The following GREB1 variants were observed in gnomAD, a reference collection of about 807,000 sequenced individuals.
GREB1 encodes the protein protein GREB1.
A neutral mutation model predicts 200.7 loss-of-function variants in GREB1; 106 were observed. The observed-to-expected ratio is 0.53, with a 90% CI of 0.45 to 0.62. The LOEUF (loss-of-function observed/expected upper bound fraction) is 0.62, where lower values mean the gene tolerates loss of function less well. Ranked by LOEUF, GREB1 falls within the 20% of genes least tolerant of loss-of-function variation. GREB1 has a pLI of 0.00. For missense variants in GREB1, 2,243 were observed against 2,556.8 expected, an observed-to-expected ratio of 0.88 and a Z score of 2.65; for synonymous variants, 1,132 against 1,092.4, an observed-to-expected ratio of 1.04 and a Z score of -0.72.
At chr2:11,552,966 C>T (rs1158051550) in intron 1 of GREB1, among the ~76,000 whole-genome samples, 7 of 143,832 alleles carry the variant, frequency 4.9e-5, no homozygotes, top group African/African-American at 8.3e-5. Context: ...GTCGAGATCG[C>T]GCCACTGCAC....
Position 11,562,493 on chromosome 2 carries a change from A to G in GREB1, c.188A>G (p.Glu63Gly). The G allele has an allele frequency of 6.2e-7, 1 of 1,610,452 alleles. No homozygotes were observed. The highest frequency in any genetic ancestry group is 1.1e-5 in the South Asian group (1 of 90,868). ...AGCCGAGTGGACAATGAGGAAGAGG[A>G]AGAAGAGGGAGAAGGAGGGCTGGAA... ...GGSRVDNEEE[E>G]EEGEGGLETN... Residue 63 changes from glutamate (E) to glycine (G), a missense_variant, in exon 3 of 33, where the codon GAA (glutamate) becomes GGA (glycine). Glu to Gly is a moderately conservative substitution (Grantham distance 98). This residue lies in a region of GREB1 where 1,178 missense variants were observed against 1,387.4 expected (regional missense o/e 0.85). Transcript: ENST00000381486.
At chr2:11,613,596 T>C (rs1177738930) in intron 19 of GREB1, among the ~76,000 whole-genome samples, 3 of 152,198 alleles carry the variant, frequency 2.0e-5, no homozygotes, top group Non-Finnish European at 2.9e-5. Context: ...TGCATACTCA[T>C]GGGCCAGGGG....
At chr2:11,483,203 G>A (rs917709454) in intron 1 of GREB1, among the ~76,000 whole-genome samples, 4 of 151,932 alleles carry the variant, frequency 2.6e-5, no homozygotes, top group Middle Eastern at 3.2e-3. Flanking sequence ...GGGTATAGGT[G>A]TGGGCGCGCG....
chr2:11,491,885 G>C (rs1672781008), intron 1 of GREB1, among the ~76,000 whole-genome samples: 1 of 152,110 alleles, frequency 6.6e-6, no homozygotes, highest in Admixed American at 6.5e-5. Flanking sequence ...TTGGTTCTCT[G>C]TGCTCAGTTC....
chr2:11,496,952 C>G (rs1022471739), intron 1 of GREB1, among the ~76,000 whole-genome samples: 6 of 152,002 alleles, frequency 3.9e-5, no homozygotes, highest in Non-Finnish European at 5.9e-5. Flanking sequence ...AACTGTCATG[C>G]CTGGCTAATT....
In GREB1 at chr2:11,634,228, C is replaced by T. The variant is rs913646110; in HGVS notation, c.5089C>T (p.Arg1697Trp). The T allele has an allele frequency of 2.5e-6, 4 of 1,614,194 alleles. No individual in the cohort carries two copies. Among genetic ancestry groups the T allele is most frequent in the Non-Finnish European group, 2.5e-6 (3 of 1,180,016 alleles). ...DIMHYALLGL[R>W]KWSSKTRASE... ...CATGCACTACGCCCTGCTGGGCCTG[C>T]GGAAGTGGTCCAGCAAGACCCGGGC... The change falls in exon 29 of 33, where the codon CGG (arginine) becomes TGG (tryptophan). Residue 1697 changes from arginine (R) to tryptophan (W), a missense_variant. This residue lies in a region of GREB1 where 478 missense variants were observed against 616.3 expected (regional missense o/e 0.78). Transcript: ENST00000381486.
rs761784138 is a variant in GREB1, at chr2:11,580,305, G to T, written c.773-399G>T. Among the ~76,000 whole-genome samples the T allele has an allele frequency of 3.3e-5, 5 of 152,210 alleles. No homozygotes were observed. The highest frequency in any genetic ancestry group is 7.3e-5 in the Non-Finnish European group (5 of 68,038). ...GGTAGAAGGAAGCAGAACAGTTTCA[G>T]GTGTGGTCCTGGAATTCAGGAAGTC... On this transcript the variant is annotated intron_variant, in intron 6 of 32. Transcript: ENST00000381486. The surrounding 1 kb of genome is among the most constrained non-coding windows in gnomAD (Gnocchi z 4.5).
At chr2:11,513,648 G>C (rs1480790487) in intron 1 of GREB1, among the ~76,000 whole-genome samples, 1 of 151,810 alleles carries the variant, frequency 6.6e-6, no homozygotes, top group Admixed American at 6.6e-5. Flanking sequence ...GCAATTTCCT[G>C]ATCATTCTAG....
At chr2:11,552,911 G>A (rs1676047117) in intron 1 of GREB1, among the ~76,000 whole-genome samples, 1 of 151,098 alleles carries the variant, frequency 6.6e-6, no homozygotes, top group East Asian at 2.0e-4. Flanking sequence ...ACGGGAGGCT[G>A]AGGCAGGAGA....
Position 11,610,627 on chromosome 2 carries a change from T to A in GREB1, c.2667-61T>A. The A allele has an allele frequency of 3.9e-6, 5 of 1,298,310 alleles. No homozygotes were observed. The South Asian group carries it at 6.8e-5, about 18-fold the overall frequency. The allele number at this position is 1,298,310 out of a possible 1,614,324, so 80.4% of individuals were successfully genotyped here. On this transcript the variant is annotated intron_variant, in intron 17 of 32. Coordinates refer to ENST00000381486, the MANE Select transcript of GREB1 (RefSeq NM_014668.4). ...AGAGTGACGGATGTCTTGGGTGACT[T>A]GGCAGCAGCAGGCCGGTGGGCGCGG... is the stretch of plus-strand genomic sequence containing the variant.
At chr2:11,503,565 C>T (rs1204856094) in intron 1 of GREB1, among the ~76,000 whole-genome samples, 1 of 152,174 alleles carries the variant, frequency 6.6e-6, no homozygotes, top group Non-Finnish European at 1.5e-5. Flanking sequence ...TGCACTTCCA[C>T]TTTGTGTAGG....
At position 11,631,901 on chromosome 2, in the gene GREB1, C is replaced by T; in HGVS notation, c.4612-8C>T. ...AACACTCTACCTCATGATACCTGTA[C>T]TTTGCAGAGCCATGAATATATAAAA... On this transcript the variant is annotated splice_region_variant and splice_polypyrimidine_tract_variant and intron_variant, in intron 26 of 32. Transcript: ENST00000381486. 1.9e-6 allele frequency: 3 copies of T among 1,607,698 alleles called. No homozygotes were observed. The highest frequency in any genetic ancestry group is 2.6e-6 in the Non-Finnish European group (3 of 1,174,552).
intron 20 of GREB1, among the ~76,000 whole-genome samples, chr2:11,616,420 G>A (rs796922051): frequency 2.4e-4 from 37 of 152,310 alleles, no homozygotes; most frequent in African/African-American, 6.7e-4. Flanking sequence ...AGGAGCCTTC[G>A]CTGCACCCAG....
intron 1 of GREB1, among the ~76,000 whole-genome samples, chr2:11,537,370 T>C (rs952059132): frequency 3.9e-5 from 6 of 152,160 alleles, no homozygotes; most frequent in Non-Finnish European, 8.8e-5. Context: ...TAATATTATA[T>C]ATGTGCCAGG....
intron 8 of GREB1, 91 bp downstream of exon 8, chr2:11,585,365 C>T (rs796642307): frequency 5.3e-5 from 41 of 767,880 alleles, no homozygotes; most frequent in Middle Eastern, 2.9e-4. Flanking sequence ...TGTGTGCGTG[C>T]GCACGAGTGT....
intron 17 of GREB1, among the ~76,000 whole-genome samples, chr2:11,604,678 C>T (rs191382589): frequency 2.3e-4 from 35 of 152,240 alleles, no homozygotes; most frequent in Middle Eastern, 3.4e-3. Flanking sequence ...GTGATTTGCC[C>T]GACTTCATGC....
intron 1 of GREB1, among the ~76,000 whole-genome samples, chr2:11,504,635 A>G (rs1228439862): frequency 6.6e-6 from 1 of 152,164 alleles, no homozygotes; most frequent in Non-Finnish European, 1.5e-5. Flanking sequence ...GGGTTCTTTC[A>G]CCTAGTGTAA....
chr2:11,520,752 CCTGAATCACAT>C (rs1673677049), intron 1 of GREB1, among the ~76,000 whole-genome samples: 2 of 152,318 alleles, frequency 1.3e-5, no homozygotes, highest in East Asian at 3.9e-4. Context: ...AGGTCTGGAA[CCTGAATCACAT>C]CTGAATCACA....
chr2:11,550,920 A>G (rs909184354), intron 1 of GREB1, among the ~76,000 whole-genome samples: 6 of 152,082 alleles, frequency 3.9e-5, no homozygotes, highest in African/African-American at 1.4e-4. Context: ...CCCGCCTTTA[A>G]TAGTTCCTTA....
Sources: gnomAD v4.1 joint callset for allele counts (sites outside exome capture counted in the v4.1 genomes callset) on GRCh38, gnomAD v4.1.1 for gene constraint, gnomAD v4.1.1 regional missense constraint, Gnocchi (gnomAD v3.1) non-coding constraint, MANE v1.5 for transcripts, NCBI Gene and HGNC (gene_info 2026-07-23, HGNC 2026-07-21) for gene names.